The following BFSP1 variants were observed in gnomAD, a reference collection of about 807,000 sequenced individuals.
BFSP1 encodes the protein filensin.
BFSP1 carries 38 observed loss-of-function variants against 43.9 expected under a neutral mutation model. That is an observed-to-expected ratio of 0.87 (90% CI 0.67 to 1.14). BFSP1 has a LOEUF of 1.14. Among genes scored for constraint, BFSP1 ranks in the 50% most tolerant of loss-of-function variants. The pLI, the probability that BFSP1 is intolerant of heterozygous loss-of-function variation, is 0.00. For synonymous variants in BFSP1, 352 were observed against 354.8 expected (o/e 0.99, Z 0.09); for missense variants, 850 against 875.1 (o/e 0.97, Z 0.36).
intron 1 of BFSP1, among the ~76,000 whole-genome samples, chr20:17,555,288 CAAAAAAA>C (rs929219257): frequency 2.3e-5 from 1 of 44,102 alleles, no homozygotes; most frequent in Non-Finnish European, 4.4e-5. Flanking sequence ...TCCTATCTCA[CAAAAAAA>C]AAAAAAAAAA....
At chr20:17,548,255 A>T (rs1274398289) in intron 1 of BFSP1, among the ~76,000 whole-genome samples, 1 of 151,818 alleles carries the variant, frequency 6.6e-6, no homozygotes, top group African/African-American at 2.4e-5. Context: ...GTGTATGATA[A>T]TGTTTTTCTC....
At position 17,494,286 on chromosome 20, in the gene BFSP1, C is replaced by A; in HGVS notation, c.1786G>T (p.Asp596Tyr). 1 of 1,614,232 alleles carries A rather than the reference C, an allele frequency of 6.2e-7. No homozygotes were observed. Among genetic ancestry groups the A allele is most frequent in the East Asian group, 2.2e-5 (1 of 44,882 alleles). ...CTAGTCCCAAGCACCTCAGCTCCATCCTGATCAGCCGCAGGCTTTGGAGGC... is the reference window on the plus strand; with the variant it reads ...CTAGTCCCAAGCACCTCAGCTCCATACTGATCAGCCGCAGGCTTTGGAGGC... ...PEPPKPAADQDGAEVLGTRSR... is the reference protein window; with the variant it reads ...PEPPKPAADQYGAEVLGTRSR... The change falls in exon 8 of 8, where the codon GAT (aspartate) becomes TAT (tyrosine). Residue 596 changes from aspartate to tyrosine, a missense_variant. Coordinates refer to ENST00000377873, the MANE Select transcript of BFSP1 (RefSeq NM_001195.5).
At chr20:17,535,066 A>G (rs1192773910), upstream of BFSP1, among the ~76,000 whole-genome samples, 1 of 152,170 alleles carries the variant, frequency 6.6e-6, no homozygotes, top group Non-Finnish European at 1.5e-5. Flanking sequence ...CCTAGACTGG[A>G]TCTTGTATTG....
intron 2 of BFSP1, among the ~76,000 whole-genome samples, chr20:17,523,144 T>C (rs11700353): frequency 0.023 from 3,500 of 152,364 alleles, 61 homozygotes; most frequent in Middle Eastern, 0.041. Flanking sequence ...TTTTTCGTTA[T>C]CTATGTTGCC....
chr20:17,560,051 T>A (rs915264556), upstream of BFSP1, among the ~76,000 whole-genome samples: 4 of 152,086 alleles, frequency 2.6e-5, no homozygotes, highest in African/African-American at 9.7e-5. Context: ...AGTTCCCTCA[T>A]CAGGAAGAGC....
intron 5 of BFSP1, among the ~76,000 whole-genome samples, chr20:17,500,046 A>AG (rs2033759093): frequency 6.6e-6 from 1 of 152,268 alleles, no homozygotes; most frequent in Non-Finnish European, 1.5e-5. Flanking sequence ...AGAAGCACAT[A>AG]CTAAATAGAT....
intron 1 of BFSP1, among the ~76,000 whole-genome samples, chr20:17,545,650 C>A (rs1179012949): frequency 6.6e-6 from 1 of 152,186 alleles, no homozygotes; most frequent in Non-Finnish European, 1.5e-5. Context: ...TGTTTACAAC[C>A]TAGGAGGCAG....
chr20:17,514,823 T>G lies in BFSP1; in HGVS notation c.439-7A>C. 1 of 1,613,050 alleles carries G rather than the reference T, an allele frequency of 6.2e-7. No homozygotes were observed. Among genetic ancestry groups the G allele is most frequent in the Non-Finnish European group, 8.5e-7 (1 of 1,179,536 alleles). ...GCAAGGCTTCATCAGCTTCCTGCAATGAGAGCCACATATCCCTGGCCACAG... is the reference window on the plus strand; with the variant it reads ...GCAAGGCTTCATCAGCTTCCTGCAAGGAGAGCCACATATCCCTGGCCACAG... On this transcript the variant is annotated splice_polypyrimidine_tract_variant and splice_region_variant and intron_variant, in intron 2 of 7. Coordinates refer to ENST00000377873, the MANE Select transcript of BFSP1 (RefSeq NM_001195.5).
chr20:17,551,035 C>A (rs771585821), intron 1 of BFSP1, among the ~76,000 whole-genome samples: 2 of 152,172 alleles, frequency 1.3e-5, no homozygotes, highest in East Asian at 1.9e-4. Context: ...CAGTTCAGGG[C>A]GAGTGTGGTG....
chr20:17,562,114 G>A (rs1237911847), upstream of BFSP1, among the ~76,000 whole-genome samples: 2 of 151,904 alleles, frequency 1.3e-5, no homozygotes, highest in African/African-American at 2.4e-5. Flanking sequence ...TAGAGATGGG[G>A]TTTCACTATG....
Position 17,517,828 on chromosome 20 carries a change from C to A in BFSP1, c.439-3012G>T, listed in dbSNP as rs922849191. Among the ~76,000 whole-genome samples, 6 of 152,318 alleles carry A rather than the reference C, an allele frequency of 3.9e-5. No individual in the cohort carries two copies. In the East Asian group the frequency reaches 5.8e-4, roughly 15 times the overall value. ...TCCCCACATTGCAGGTGCTCCACAG[C>A]CACATGCGGCTGGTGGCTGCCATAC... On this transcript the variant is annotated intron_variant, in intron 2 of 7. Coordinates refer to ENST00000377873, the MANE Select transcript of BFSP1 (RefSeq NM_001195.5).
At chr20:17,504,867 C>A (rs2033891772) in intron 5 of BFSP1, among the ~76,000 whole-genome samples, 2 of 151,660 alleles carry the variant, frequency 1.3e-5, no homozygotes, top group Admixed American at 1.3e-4. Context: ...TGAGCTCTCA[C>A]CTCAGTCCTT....
intron 1 of BFSP1, among the ~76,000 whole-genome samples, chr20:17,545,288 G>T (rs2034781651): frequency 6.6e-6 from 1 of 152,214 alleles, no homozygotes; most frequent in African/African-American, 2.4e-5. Context: ...GGAGAGGTAG[G>T]GTATGCAGGT....
chr20:17,532,178 C>T (rs775270308), upstream of BFSP1, among the ~76,000 whole-genome samples: 8 of 152,036 alleles, frequency 5.3e-5, no homozygotes, highest in Non-Finnish European at 7.4e-5. Context: ...TTTGGGAGGC[C>T]GAGGCGGGCG....
Position 17,494,270 on chromosome 20 carries a change from A to G in BFSP1, c.1802T>C (p.Leu601Pro), listed in dbSNP as rs1166869356. The change falls in exon 8 of 8, where the codon CTT becomes CCT. Residue 601 changes from leucine (L) to proline (P), a missense_variant. Leu to Pro is a moderately conservative substitution (Grantham distance 98). Transcript: ENST00000377873. ...TGGCAGGCTTCTGCTCCTAGTCCCAAGCACCTCAGCTCCATCCTGATCAGC... is the reference window on the plus strand; with the variant it reads ...TGGCAGGCTTCTGCTCCTAGTCCCAGGCACCTCAGCTCCATCCTGATCAGC... ...PAADQDGAEVLGTRSRSLPEK... is the reference protein window; with the variant it reads ...PAADQDGAEVPGTRSRSLPEK... 8 of 1,614,088 alleles carry G rather than the reference A, an allele frequency of 5.0e-6. No individual in the cohort carries two copies. The African/African-American group carries it at 1.1e-4, about 22-fold the overall frequency.
At chr20:17,512,129 T>C in intron 3 of BFSP1, 61 bp from the exon 4 acceptor site, 1 of 1,403,528 alleles carries the variant, frequency 7.1e-7, no homozygotes, top group Non-Finnish European at 1.0e-6. Flanking sequence ...TTCCTTCTAG[T>C]ACTAGATGAG....
chr20:17,531,065 C>A lies in BFSP1; in HGVS notation c.265G>T (p.Ala89Ser). ...TGGCGGTTGCTCTCGACTTGGCGGG[C>A]GAGGGCGTCCTCGGGCCCGGCCAGC... ...GELAGPEDAL[A>S]RQVESNRQRV... The change falls in exon 1 of 8, where the codon GCC (alanine) becomes TCC (serine). Residue 89 changes from alanine (A) to serine (S), a missense_variant. Physicochemically the swap from Ala to Ser is moderately conservative, Grantham distance 99. Transcript: ENST00000377873. The A allele has an allele frequency of 7.2e-7, 1 of 1,398,446 alleles. No homozygotes were observed. Among genetic ancestry groups the A allele is most frequent in the Non-Finnish European group, 9.3e-7 (1 of 1,077,894 alleles). 86.6% of individuals were successfully genotyped at this position (1,398,446 alleles called of 1,614,324 possible).
intron 1 of BFSP1, chr20:17,540,976 A>G (rs892776351): frequency 2.0e-5 from 3 of 152,248 alleles, no homozygotes; most frequent in African/African-American, 7.2e-5. Flanking sequence ...TCATTCAGCA[A>G]CTAGTTAAAG....
At chr20:17,517,337 C>A in intron 2 of BFSP1, 2 of 1,050,772 alleles carry the variant, frequency 1.9e-6, no homozygotes, top group Non-Finnish European at 2.9e-6. Flanking sequence ...AAGACATGAA[C>A]TAACAAACAA....
Sources: allele counts gnomAD v4.1 joint callset (sites outside exome capture counted in the v4.1 genomes callset), GRCh38; gene constraint gnomAD v4.1.1; transcripts MANE v1.5; gene names NCBI Gene and HGNC (gene_info 2026-07-23, HGNC 2026-07-21).